CDK2AP1: variants seen among roughly 807,000 people sequenced by gnomAD.
CDK2AP1 encodes cyclin dependent kinase 2 associated protein 1.
In CDK2AP1, 10 loss-of-function variants were observed where a neutral mutation model predicts 14.1. The ratio of observed to expected loss-of-function variants is 0.71; its 90% CI spans 0.44 to 1.20. The LOEUF (loss-of-function observed/expected upper bound fraction) is 1.20, where lower values mean the gene tolerates loss of function less well. CDK2AP1 is among the 50% of genes most tolerant of loss of function. The probability of loss-of-function intolerance (pLI) is 0.00; values close to 1 mark genes in which losing one functional copy is unlikely to be tolerated. For missense variants in CDK2AP1, 102 were observed against 149.9 expected (o/e 0.68, Z 1.67); for synonymous variants, 59 against 59.8 (o/e 0.99, Z 0.06).
chr12:123,271,271 CCGCCCT>C (rs1349191500), intron 1 of CDK2AP1: 2 of 151,626 alleles, frequency 1.3e-5, no homozygotes, highest in Non-Finnish European at 2.9e-5. Flanking sequence ...CAAGCCTCCC[CCGCCCT>C]CGCCCTCGCC....
chr12:123,271,033 G>A (rs2048349045), intron 1 of CDK2AP1: 14 of 850,016 alleles, frequency 1.6e-5, no homozygotes, highest in African/African-American at 2.2e-5. Context: ...GCCCCCGGCA[G>A]CCCGGCAGCC....
chr12:123,266,529 G>A (rs1174487137), intron 2 of CDK2AP1, among the ~76,000 whole-genome samples: 1 of 152,250 alleles, frequency 6.6e-6, no homozygotes, highest in African/African-American at 2.4e-5. Context: ...GACCTTCCCC[G>A]GGGCGGCTCA....
At position 123,265,378 on chromosome 12, in the gene CDK2AP1, C is replaced by G; in HGVS notation, c.154-56G>C. The stretch of plus-strand genomic sequence containing the variant: ...ATCAGCCGGGCGTGGTGGTGCGTGC[C>G]TGTAGTCCCAGTTACTCAGGAGGCT... On this transcript the variant is annotated intron_variant, in intron 2 of 3. Coordinates refer to ENST00000261692, the MANE Select transcript of CDK2AP1 (RefSeq NM_004642.4). The surrounding 1 kb of genome is among the most constrained non-coding windows in gnomAD (Gnocchi z 5.3). 1 of 1,582,598 alleles carries G rather than the reference C, an allele frequency of 6.3e-7. No homozygotes were observed. The highest frequency in any genetic ancestry group is 8.7e-7 in the Non-Finnish European group (1 of 1,152,592).
At chr12:123,266,431 G>C (rs1186235003) in intron 2 of CDK2AP1, among the ~76,000 whole-genome samples, 1 of 152,252 alleles carries the variant, frequency 6.6e-6, no homozygotes, top group Admixed American at 6.5e-5. Flanking sequence ...CATGGCCGGG[G>C]AGCCGCCCAC....
intron 1 of CDK2AP1, chr12:123,270,964 T>A (rs150002761): frequency 2.0e-6 from 2 of 983,774 alleles, no homozygotes; most frequent in South Asian, 4.7e-5. Flanking sequence ...GGCCTCCGAG[T>A]ACGCTGCCCG....
chr12:123,270,353 AT>A (rs138006715), intron 1 of CDK2AP1: 4 of 177,116 alleles, frequency 2.3e-5, no homozygotes, highest in Non-Finnish European at 4.4e-5. Flanking sequence ...AGTGTCCAAG[AT>A]TTTTTTTAGG....
chr12:123,267,489 A>C, intron 1 of CDK2AP1: 2 of 514,512 alleles, frequency 3.9e-6, no homozygotes, highest in Non-Finnish European at 7.1e-6. Flanking sequence ...CCAGCTCTGC[A>C]GCAGCCGCTG....
At chr12:123,271,136 ACCCCGCTCCCCAGGGCGGCGGGG>A (rs1446331925) in intron 1 of CDK2AP1, 6 of 536,272 alleles carry the variant, frequency 1.1e-5, no homozygotes, top group East Asian at 1.6e-4. Context: ...CTGCTTCACG[ACCCCGCTCCCCAGGGCGGCGGGG>A]CCCCGCGCCC....
In CDK2AP1 at chr12:123,261,438, T is replaced by C. The variant is rs562883981; in HGVS notation, c.*298A>G. 8 of 331,148 alleles carry C rather than the reference T, an allele frequency of 2.4e-5. No individual in the cohort carries two copies. The East Asian group carries it at 4.9e-4, about 20-fold the overall frequency. 20.5% of individuals were successfully genotyped at this position (331,148 alleles called of 1,614,324 possible). A position where few individuals can be genotyped will look rare whatever the true frequency, so the allele number is the denominator to read the frequency against. ...AAAAGAGAAGATTAAAGGGAGACAA[T>C]GGTGTCTTGGAGGCAAACTACAGTT... is the stretch of plus-strand genomic sequence containing the variant. On this transcript the variant is annotated 3_prime_UTR_variant, in exon 4 of 4. Transcript: ENST00000261692.
chr12:123,261,914 C>CAG, intron 3 of CDK2AP1, 111 bp from the exon 4 acceptor site: 1 of 784,332 alleles, frequency 1.3e-6, no homozygotes, highest in East Asian at 2.5e-5. Flanking sequence ...ACAAAACCCT[C>CAG]AGACATAAAG....
Position 123,267,203 on chromosome 12 carries a change from C to T in CDK2AP1, c.135G>A (p.Pro45=), listed in dbSNP as rs767600647. The change falls in exon 2 of 4, where the codon CCG becomes CCA. Residue 45 remains proline, a synonymous_variant. Coordinates refer to ENST00000261692, the MANE Select transcript of CDK2AP1 (RefSeq NM_004642.4). ...YRQLLSDYGP[P]SLGYTQGTGN... ...GACATACCTGGGTGTAGCCTAGGGA[C>T]GGTGGCCCGTAGTCACTGAGCAGCT... The T allele has an allele frequency of 1.2e-5, 19 of 1,609,614 alleles. No homozygotes were observed. Among genetic ancestry groups the T allele is most frequent in the East Asian group, 4.5e-5 (2 of 44,862 alleles).
rs2048278870 is a variant in CDK2AP1, at chr12:123,265,341, G to T, written c.154-19C>A. 2 of 1,613,686 alleles carry T rather than the reference G, an allele frequency of 1.2e-6. No individual in the cohort carries two copies. Among genetic ancestry groups the T allele is most frequent in the African/African-American group, 2.7e-5 (2 of 74,892 alleles). ...CAGTTCCCTAGAATCAGAAAGAAAT[G>T]GGTTCAGCAAAATCAGCCGGGCGTG... On this transcript the variant is annotated intron_variant, in intron 2 of 3. Transcript: ENST00000261692. The surrounding 1 kb of genome is among the most constrained non-coding windows in gnomAD (Gnocchi z 5.3).
intron 1 of CDK2AP1, 58 bp downstream of exon 1, chr12:123,271,506 G>A (rs555616094): frequency 2.1e-6 from 2 of 960,342 alleles, no homozygotes; most frequent in African/African-American, 1.8e-5. Context: ...GGCCGGGGCC[G>A]GGCGCGCGGA....
chr12:123,266,547 G>A (rs2048297344), intron 2 of CDK2AP1, among the ~76,000 whole-genome samples: 1 of 152,258 alleles, frequency 6.6e-6, no homozygotes, highest in Non-Finnish European at 1.5e-5. Flanking sequence ...TCATCCCTTG[G>A]AGATGTAGGG....
chr12:123,268,980 A>G (rs1437358697), intron 1 of CDK2AP1: 1 of 152,144 alleles, frequency 6.6e-6, no homozygotes, highest in Non-Finnish European at 1.5e-5. Context: ...CGCGCACAGC[A>G]CCCCAGGCGT....
At chr12:123,266,885 AGAG>A (rs2048302819) in intron 2 of CDK2AP1, among the ~76,000 whole-genome samples, 1 of 152,190 alleles carries the variant, frequency 6.6e-6, no homozygotes, top group Non-Finnish European at 1.5e-5. Context: ...TGCCCAAGAA[AGAG>A]GAGTGAGGAG....
chr12:123,270,160 G>A, intron 1 of CDK2AP1: 1 of 963,456 alleles, frequency 1.0e-6, no homozygotes, highest in African/African-American at 1.8e-5. Flanking sequence ...GAGGAAGAAG[G>A]CTGCTGGCAG....
chr12:123,262,083 G>A (rs139861106), intron 3 of CDK2AP1: 133 of 332,176 alleles, frequency 4.0e-4, no homozygotes, highest in African/African-American at 2.6e-3. Context: ...CGACACTGTT[G>A]GATGAAAGAC....
In CDK2AP1 at chr12:123,265,376, G is replaced by A. The variant is rs938308942; in HGVS notation, c.154-54C>T. 8 of 1,586,918 alleles carry A rather than the reference G, an allele frequency of 5.0e-6. No individual in the cohort carries two copies. Among genetic ancestry groups the A allele is most frequent in the Non-Finnish European group, 6.1e-6 (7 of 1,156,518 alleles). On this transcript the variant is annotated intron_variant, in intron 2 of 3. Transcript: ENST00000261692. The surrounding 1 kb of genome is among the most constrained non-coding windows in gnomAD (Gnocchi z 5.3). ...AAATCAGCCGGGCGTGGTGGTGCGT[G>A]CCTGTAGTCCCAGTTACTCAGGAGG...
Sources: allele counts gnomAD v4.1 joint callset (sites outside exome capture counted in the v4.1 genomes callset), GRCh38; gene constraint gnomAD v4.1.1; non-coding constraint Gnocchi (gnomAD v3.1); transcripts MANE v1.5; gene names NCBI Gene and HGNC (gene_info 2026-07-23, HGNC 2026-07-21).